EYS: variants seen among roughly 807,000 people sequenced by gnomAD.
EYS encodes EGF-like photoreceptor maintenance factor, also known as protein eyes shut homolog.
Under a neutral mutation model 282.1 loss-of-function variants are expected in EYS, and 250 were observed. That is an observed-to-expected ratio of 0.89 (90% CI 0.80 to 0.98). The LOEUF (loss-of-function observed/expected upper bound fraction) is 0.98. Ranked by LOEUF, EYS falls within the 50% of genes least tolerant of loss-of-function variation. The pLI is 0.00. For synonymous variants in EYS, 1,355 were observed against 1,282.9 expected (o/e 1.06, Z -1.20); for missense variants, 4,016 against 3,709.0 (o/e 1.08, Z -2.15).
At chr6:65,627,019 CTTT>C (rs1766724325) in intron 2 of EYS, among the ~76,000 whole-genome samples, 2 of 95,770 alleles carry the variant, frequency 2.1e-5, no homozygotes, top group Non-Finnish European at 4.7e-5. Flanking sequence ...TCTGCCCTTT[CTTT>C]CTTTCTCTTT....
chr6:65,281,843 G>T (rs1232290112), intron 12 of EYS, among the ~76,000 whole-genome samples: 3 of 151,972 alleles, frequency 2.0e-5, no homozygotes, highest in Admixed American at 2.0e-4. Context: ...ATGTCTCCTA[G>T]TTTTTACCTA....
At chr6:64,303,850 A>T (rs1769330035) in intron 30 of EYS, among the ~76,000 whole-genome samples, 1 of 151,606 alleles carries the variant, frequency 6.6e-6, no homozygotes, top group Admixed American at 6.6e-5. Flanking sequence ...CAAAAAAAAA[A>T]AAAAAAAAAA....
At chr6:64,999,821 A>T (rs148166192) in intron 13 of EYS, among the ~76,000 whole-genome samples, 1 of 152,264 alleles carries the variant, frequency 6.6e-6, no homozygotes, top group African/African-American at 2.4e-5. Flanking sequence ...CAGGGCAGTC[A>T]GAGGGGAGCC....
At position 64,133,476 on chromosome 6, in the gene EYS, TCACACACACACACA is replaced by T. The variant is rs61088369; in HGVS notation, c.6425-51488_6425-51475del. 8.7e-3 allele frequency among the ~76,000 whole-genome samples: 1,241 copies of T among 142,456 alleles called. 20 individuals carry two copies. The highest frequency in any genetic ancestry group is 0.029 in the African/African-American group (1,139 of 39,310). 93.5% of individuals were successfully genotyped at this position (142,456 alleles called of 152,430 possible). A position where few individuals can be genotyped will look rare whatever the true frequency, so the allele number is the denominator to read the frequency against. ...GAACTTGGCTTTCTTTTGCATTACT[TCACACACACACACA>T]CACACACACACACACACACACACAC... On this transcript the variant is annotated intron_variant, in intron 31 of 42. Transcript: ENST00000503581.
chr6:64,188,498 A>G (rs1215114830), intron 31 of EYS, among the ~76,000 whole-genome samples: 2 of 152,242 alleles, frequency 1.3e-5, no homozygotes, highest in East Asian at 1.9e-4. Flanking sequence ...CATGGGATAT[A>G]TTATGCTAAA....
intron 22 of EYS, among the ~76,000 whole-genome samples, chr6:64,790,920 T>C (rs1774171415): frequency 6.6e-6 from 1 of 151,936 alleles, no homozygotes; most frequent in Non-Finnish European, 1.5e-5. Context: ...CCTCTCTACA[T>C]AATTTAAAAA....
intron 5 of EYS, among the ~76,000 whole-genome samples, chr6:65,480,211 CAG>C (rs1036671079): frequency 1.3e-4 from 20 of 151,976 alleles, no homozygotes; most frequent in Admixed American, 2.6e-4. Flanking sequence ...AAATCAGAGA[CAG>C]AGAAAAATAT....
intron 22 of EYS, among the ~76,000 whole-genome samples, chr6:64,812,860 GA>G (rs1179737712): frequency 1.3e-5 from 2 of 151,614 alleles, no homozygotes; most frequent in Admixed American, 6.6e-5. Flanking sequence ...AATAACAAAG[GA>G]AAAAAATTCA....
intron 10 of EYS, among the ~76,000 whole-genome samples, chr6:65,341,680 T>G (rs1418290280): frequency 6.6e-6 from 1 of 151,246 alleles, no homozygotes; most frequent in Non-Finnish European, 1.5e-5. Flanking sequence ...AAACTGTCTA[T>G]AATAATTTGT....
At chr6:65,206,381 A>G (rs552113838) in intron 12 of EYS, among the ~76,000 whole-genome samples, 1 of 148,792 alleles carries the variant, frequency 6.7e-6, no homozygotes, top group Non-Finnish European at 1.5e-5. Flanking sequence ...GAGTAATAAA[A>G]TTGAATCAAT....
intron 29 of EYS, among the ~76,000 whole-genome samples, chr6:64,349,070 A>C (rs1195102881): frequency 1.3e-5 from 2 of 151,426 alleles, no homozygotes; most frequent in African/African-American, 2.4e-5. Flanking sequence ...AATTATATAA[A>C]AATGACATTA....
At chr6:64,800,750 A>C (rs920981490) in intron 22 of EYS, among the ~76,000 whole-genome samples, 1 of 152,036 alleles carries the variant, frequency 6.6e-6, no homozygotes, top group Non-Finnish European at 1.5e-5. Flanking sequence ...TACTTAAAAA[A>C]TAAAAATAAT....
rs143309497 is a variant in EYS at position 64,236,174 on chromosome 6, C to T, written c.6192-5350G>A. Among the ~76,000 whole-genome samples, 1,320 of 152,264 alleles carry T rather than the reference C, an allele frequency of 8.7e-3. 16 individuals are homozygous for T. The highest frequency in any genetic ancestry group is 0.03 in the African/African-American group (1,254 of 41,544). On this transcript the variant is annotated intron_variant, in intron 30 of 42. Coordinates refer to ENST00000503581, the MANE Select transcript of EYS (RefSeq NM_001142800.2). ...ATTTTTAATAGAGACGGGGTTTCAC[C>T]ATGTTAGCCAGGATGGTCTCTATCT... is the stretch of plus-strand genomic sequence containing the variant.
chr6:64,652,077 C>T (rs937087919), intron 22 of EYS, among the ~76,000 whole-genome samples: 3 of 152,100 alleles, frequency 2.0e-5, no homozygotes, highest in African/African-American at 7.2e-5. Context: ...AATTTCCCTG[C>T]CAAGAACTTA....
chr6:65,619,821 T>C (rs1402666101), intron 2 of EYS, among the ~76,000 whole-genome samples: 1 of 150,576 alleles, frequency 6.6e-6, no homozygotes, highest in Non-Finnish European at 1.5e-5. Context: ...TCATGCGGTT[T>C]TTGTCTTTGG....
chr6:64,196,357 CT>C (rs1765287065), intron 31 of EYS, among the ~76,000 whole-genome samples: 1 of 152,156 alleles, frequency 6.6e-6, no homozygotes, highest in Admixed American at 6.5e-5. Context: ...GGATCTTGAA[CT>C]AGAAATACCA....
intron 15 of EYS, among the ~76,000 whole-genome samples, chr6:64,928,414 C>T (rs1188727034): frequency 1.3e-5 from 2 of 152,078 alleles, no homozygotes; most frequent in Non-Finnish European, 1.5e-5. Context: ...CTCACAAATA[C>T]CATAATCCTA....
At chr6:64,165,280 C>G (rs1764254826) in intron 31 of EYS, among the ~76,000 whole-genome samples, 1 of 152,020 alleles carries the variant, frequency 6.6e-6, no homozygotes, top group Non-Finnish European at 1.5e-5. Context: ...ATTGTCATGG[C>G]TGATACAGTA....
chr6:64,875,552 TC>T (rs1372840206), intron 19 of EYS, among the ~76,000 whole-genome samples: 1 of 151,984 alleles, frequency 6.6e-6, no homozygotes. Flanking sequence ...CTTTGCTCCC[TC>T]TTGAGGGTCT....
Sources: gnomAD v4.1 joint callset for allele counts (sites outside exome capture counted in the v4.1 genomes callset) on GRCh38, gnomAD v4.1.1 for gene constraint, MANE v1.5 for transcripts, NCBI Gene and HGNC (gene_info 2026-07-23, HGNC 2026-07-21) for gene names.